Variants in ARSB observed in about 807,000 individuals in gnomAD.
ARSB encodes the protein arylsulfatase B.
ARSB carries 41 observed loss-of-function variants against 50.9 expected under a neutral mutation model. That is an observed-to-expected ratio of 0.81 (90% confidence interval 0.63 to 1.04). The LOEUF is 1.04. Ranked by LOEUF, ARSB falls within the 50% of genes least tolerant of loss-of-function variation. The pLI is 0.00. For missense variants in ARSB, 672 were observed against 693.3 expected (o/e 0.97, Z 0.35); for synonymous variants, 269 against 284.8 (o/e 0.94, Z 0.56).
intron 4 of ARSB, among the ~76,000 whole-genome samples, chr5:78,952,953 C>A (rs1751551551): frequency 6.6e-6 from 1 of 152,076 alleles, no homozygotes; most frequent in Admixed American, 6.6e-5. Flanking sequence ...CTAGTGACTT[C>A]TCTAGGCATT....
At chr5:78,845,225 T>C (rs898844311) in intron 5 of ARSB, among the ~76,000 whole-genome samples, 15 of 152,190 alleles carry the variant, frequency 9.9e-5, no homozygotes, top group African/African-American at 2.7e-4. Flanking sequence ...TTTTGTTTTA[T>C]GGCTAAAGAG....
intron 4 of ARSB, among the ~76,000 whole-genome samples, chr5:78,929,655 T>C (rs570769025): frequency 4.0e-5 from 6 of 151,690 alleles, no homozygotes; most frequent in Non-Finnish European, 8.8e-5. Context: ...TTGCCCAGTG[T>C]GGTGGTGGGT....
chr5:78,840,375 G>A (rs1745149467), intron 5 of ARSB, among the ~76,000 whole-genome samples: 1 of 152,140 alleles, frequency 6.6e-6, no homozygotes, highest in African/African-American at 2.4e-5. Context: ...ATGGTTTCAG[G>A]TGTCCCAGTG....
chr5:78,974,062 C>T (rs963512616), intron 1 of ARSB, among the ~76,000 whole-genome samples: 3 of 152,212 alleles, frequency 2.0e-5, no homozygotes, highest in Non-Finnish European at 4.4e-5. Context: ...GGCCAGTACA[C>T]AGCAGGTTTT....
At chr5:78,905,910 C>CAAAAAAA (rs57651882) in intron 4 of ARSB, among the ~76,000 whole-genome samples, 6 of 94,430 alleles carry the variant, frequency 6.4e-5, no homozygotes, top group African/African-American at 1.7e-4. Context: ...AGCAAAGTAG[C>CAAAAAAA]AAAAAAAAAA....
chr5:78,969,112 C>G lies in ARSB; in HGVS notation c.393G>C (p.Gln131His). 1 of 1,614,112 alleles carries G rather than the reference C, an allele frequency of 6.2e-7. No homozygotes were observed. Among genetic ancestry groups the G allele is most frequent in the Non-Finnish European group, 8.5e-7 (1 of 1,180,016 alleles). Residue 131 changes from glutamine to histidine, a missense_variant, in exon 2 of 8, where the codon CAG becomes CAC. Gln to His is a conservative substitution (Grantham distance 24). Transcript: ENST00000264914. ...TAGTATAACCTGCTTCTTTTAGGAG[C>G]TGGGGCAGGAGTTTTTCATCCAGAG... ...CVPLDEKLLP[Q>H]LLKEAGYTTH...
At chr5:78,980,734 A>ATGTGTGTGTG (rs1554089416) in intron 1 of ARSB, among the ~76,000 whole-genome samples, 294 of 151,004 alleles carry the variant, frequency 1.9e-3, no homozygotes, top group East Asian at 5.6e-3. Flanking sequence ...AAGTGTGTGT[A>ATGTGTGTGTG]TGTGTGTGTG....
intron 5 of ARSB, among the ~76,000 whole-genome samples, chr5:78,874,613 T>C (rs1012093051): frequency 6.6e-6 from 1 of 151,924 alleles, no homozygotes; most frequent in African/African-American, 2.4e-5. Context: ...AGATAAAAAG[T>C]AAATGTAACA....
At chr5:78,940,462 T>G (rs1198182889) in intron 4 of ARSB, among the ~76,000 whole-genome samples, 1 of 152,214 alleles carries the variant, frequency 6.6e-6, no homozygotes, top group Non-Finnish European at 1.5e-5. Flanking sequence ...AATTTTTGTA[T>G]AAGGTGTAAG....
chr5:78,864,850 G>C (rs895051067), intron 5 of ARSB, among the ~76,000 whole-genome samples: 2 of 152,238 alleles, frequency 1.3e-5, no homozygotes, highest in African/African-American at 4.8e-5. Flanking sequence ...CCAAAATCCA[G>C]TGGGGCAGTC....
intron 2 of ARSB, among the ~76,000 whole-genome samples, chr5:78,966,967 T>G (rs1371626595): frequency 6.6e-6 from 1 of 150,606 alleles, no homozygotes; most frequent in African/African-American, 2.4e-5. Flanking sequence ...TAGTGAGGTC[T>G]GCTGGTGGAC....
intron 4 of ARSB, among the ~76,000 whole-genome samples, chr5:78,941,289 C>T (rs1247808072): frequency 6.6e-6 from 1 of 150,778 alleles, no homozygotes; most frequent in East Asian, 2.0e-4. Flanking sequence ...CTTCTCCTGC[C>T]TAATTGCCCT....
At chr5:78,822,269 T>C (rs1341297891) in intron 6 of ARSB, among the ~76,000 whole-genome samples, 1 of 152,222 alleles carries the variant, frequency 6.6e-6, no homozygotes, top group Non-Finnish European at 1.5e-5. Flanking sequence ...GGAGAATTAA[T>C]CAAATACAGA....
At position 78,826,358 on chromosome 5, in the gene ARSB, T is replaced by C. The variant is rs189600995; in HGVS notation, c.1213+12998A>G. Among the ~76,000 whole-genome samples the C allele has an allele frequency of 3.3e-5, 5 of 152,364 alleles. No individual in the cohort carries two copies. The East Asian group carries it at 9.6e-4, about 29-fold the overall frequency. On this transcript the variant is annotated intron_variant, in intron 6 of 7. Coordinates refer to ENST00000264914, the MANE Select transcript of ARSB (RefSeq NM_000046.5). ...CCATGCCTGGCCCCTTTTTTCATTT[T>C]TTCTTTAAGAAAAGACATTTATTCA... is the stretch of plus-strand genomic sequence containing the variant.
intron 5 of ARSB, among the ~76,000 whole-genome samples, chr5:78,879,672 C>CA (rs1159233890): frequency 6.6e-6 from 1 of 152,208 alleles, no homozygotes; most frequent in Non-Finnish European, 1.5e-5. Flanking sequence ...GTGTCTCTGA[C>CA]ATTTGGCTGT....
chr5:78,981,659 T>G (rs149701846), intron 1 of ARSB, among the ~76,000 whole-genome samples: 10 of 152,344 alleles, frequency 6.6e-5, no homozygotes, highest in Non-Finnish European at 1.2e-4. Context: ...GATGTGGAAA[T>G]GATGGCCAGC....
intron 6 of ARSB, among the ~76,000 whole-genome samples, chr5:78,830,570 G>T (rs574237733): frequency 1.3e-5 from 2 of 152,160 alleles, no homozygotes; most frequent in African/African-American, 4.8e-5. Flanking sequence ...AAGCCAGGAT[G>T]CCAGCACCAA....
intron 5 of ARSB, among the ~76,000 whole-genome samples, chr5:78,853,655 C>A (rs1052977725): frequency 4.6e-5 from 7 of 152,198 alleles, no homozygotes; most frequent in African/African-American, 1.7e-4. Flanking sequence ...GTGCCCTGCC[C>A]CCAGAGGTGG....
chr5:78,879,659 C>G (rs574667025), intron 5 of ARSB, among the ~76,000 whole-genome samples: 1 of 152,312 alleles, frequency 6.6e-6, no homozygotes, highest in East Asian at 1.9e-4. Context: ...GGGCACAGAT[C>G]GGGTGTCTCT....
Sources: allele counts gnomAD v4.1 joint callset (sites outside exome capture counted in the v4.1 genomes callset), GRCh38; gene constraint gnomAD v4.1.1; transcripts MANE v1.5; gene names NCBI Gene and HGNC (gene_info 2026-07-23, HGNC 2026-07-21).